The following CNGB1 variants were observed in gnomAD, a reference collection of about 807,000 sequenced individuals.
The protein encoded by CNGB1 is cyclic nucleotide gated channel subunit beta 1, also known as cyclic nucleotide-gated channel beta-1.
A neutral mutation model predicts 151.7 loss-of-function variants in CNGB1; 126 were observed. The ratio of observed to expected loss-of-function variants is 0.83; its 90% CI spans 0.72 to 0.96. CNGB1 has a LOEUF of 0.96. Ranked by LOEUF, CNGB1 falls within the 40% of genes least tolerant of loss-of-function variation. CNGB1 has a pLI of 0.00. For synonymous variants in CNGB1, 623 were observed against 635.1 expected (o/e 0.98, Z 0.29); for missense variants, 1,698 against 1,627.0 (o/e 1.04, Z -0.75).
At chr16:57,965,476 AAT>A (rs1176982630) in intron 2 of CNGB1, among the ~76,000 whole-genome samples, 3 of 152,212 alleles carry the variant, frequency 2.0e-5, no homozygotes, top group African/African-American at 7.2e-5. Context: ...CAGGTGCAGA[AAT>A]ATGAGTATAC....
At chr16:57,939,933 C>T (rs749837786) in intron 15 of CNGB1, among the ~76,000 whole-genome samples, 1 of 152,174 alleles carries the variant, frequency 6.6e-6, no homozygotes, top group Non-Finnish European at 1.5e-5. Flanking sequence ...CCAAGGGAGG[C>T]GTCTGTAGCC....
intron 14 of CNGB1, 44 bp downstream of exon 14, chr16:57,949,309 C>A: frequency 6.2e-7 from 1 of 1,602,852 alleles, no homozygotes. Context: ...CTCAGCCAAC[C>A]CCAGCCCCAG....
At chr16:57,932,883 G>A (rs539481120) in intron 16 of CNGB1, among the ~76,000 whole-genome samples, 2 of 151,048 alleles carry the variant, frequency 1.3e-5, no homozygotes, top group South Asian at 4.2e-4. Context: ...ACCCAGCCAA[G>A]TCCTCACATT....
chr16:57,970,231 A>G (rs1043571331), intron 1 of CNGB1, among the ~76,000 whole-genome samples: 2 of 152,162 alleles, frequency 1.3e-5, no homozygotes, highest in African/African-American at 4.8e-5. Flanking sequence ...ATGTTTTCCC[A>G]GGTCGGGACT....
At chr16:57,904,523 T>C (rs1960485434) in intron 26 of CNGB1, among the ~76,000 whole-genome samples, 1 of 152,260 alleles carries the variant, frequency 6.6e-6, no homozygotes, top group East Asian at 1.9e-4. Context: ...ACATTTCAAA[T>C]GATAATGACC....
At chr16:57,899,512 T>G (rs772543919) in intron 29 of CNGB1, among the ~76,000 whole-genome samples, 30 of 152,158 alleles carry the variant, frequency 2.0e-4, no homozygotes, top group Non-Finnish European at 7.3e-5. Context: ...TGGTGGCATA[T>G]GCCTGTAATC....
intron 4 of CNGB1, among the ~76,000 whole-genome samples, chr16:57,963,612 T>C (rs149047000): frequency 1.1e-3 from 173 of 152,278 alleles, no homozygotes; most frequent in East Asian, 8.7e-3. Context: ...TGGGCTGAAA[T>C]GTCTGAGCCA....
At chr16:57,885,018 C>G (rs1959875075) in intron 32 of CNGB1, among the ~76,000 whole-genome samples, 1 of 152,198 alleles carries the variant, frequency 6.6e-6, no homozygotes, top group African/African-American at 2.4e-5. Flanking sequence ...GCGCTGACCC[C>G]ATGTGTGGGG....
At position 57,915,288 on chromosome 16, in the gene CNGB1, G is replaced by A. The variant is rs377213253; in HGVS notation, c.2265C>T (p.Val755=). The change falls in exon 23 of 33, where the codon GTC becomes GTT. Residue 755 remains valine (V), a synonymous_variant. Transcript: ENST00000251102. ...LLPLDFLYLK[V]GVNPLLRLPR... The stretch of plus-strand genomic sequence containing the variant: ...GCAGGCGGAGGAGGGGGTTCACACC[G>A]ACTTTCAAATAGAGAAAATCCAAGG... 107 of 1,613,936 alleles carry A rather than the reference G, an allele frequency of 6.6e-5. No homozygotes were observed. Among genetic ancestry groups the A allele is most frequent in the Non-Finnish European group, 8.4e-5 (99 of 1,179,964 alleles).
intron 32 of CNGB1, 80 bp downstream of exon 32, chr16:57,887,775 G>A (rs1247950744): frequency 2.2e-6 from 3 of 1,334,296 alleles, no homozygotes; most frequent in Admixed American, 1.7e-5. Flanking sequence ...TAAATGTGTG[G>A]CCCACTCTTG....
intron 25 of CNGB1, among the ~76,000 whole-genome samples, chr16:57,911,455 A>G (rs540259206): frequency 1.5e-3 from 227 of 151,974 alleles, no homozygotes; most frequent in Middle Eastern, 3.4e-3. Context: ...CGCCCAGCTA[A>G]GTTTTGTATT....
chr16:57,921,671 A>G (rs1226466531), intron 18 of CNGB1, among the ~76,000 whole-genome samples: 1 of 152,124 alleles, frequency 6.6e-6, no homozygotes, highest in Non-Finnish European at 1.5e-5. Flanking sequence ...TTGGAATGTG[A>G]GCTCTCAGAC....
intron 14 of CNGB1, among the ~76,000 whole-genome samples, chr16:57,943,113 G>A (rs537587301): frequency 3.3e-5 from 5 of 152,124 alleles, no homozygotes; most frequent in East Asian, 3.9e-4. Flanking sequence ...CCTACAGAAC[G>A]GGAGAAAATA....
intron 4 of CNGB1, 56 bp from the exon 5 acceptor site, chr16:57,963,120 C>T: frequency 1.5e-6 from 2 of 1,305,564 alleles, no homozygotes; most frequent in Non-Finnish European, 2.2e-6. Context: ...CAATGAGGCC[C>T]TCGAGGCCCA....
At chr16:57,948,048 G>A (rs1961851713) in intron 14 of CNGB1, among the ~76,000 whole-genome samples, 1 of 152,212 alleles carries the variant, frequency 6.6e-6, no homozygotes, top group Non-Finnish European at 1.5e-5. Flanking sequence ...CAGGGAGAAA[G>A]GACGCGGGTC....
In CNGB1 at chr16:57,915,275, G is replaced by A. The variant is rs572146377; in HGVS notation, c.2278C>T (p.Leu760Phe). The A allele has an allele frequency of 2.0e-5, 32 of 1,614,022 alleles. 2 individuals are homozygous for A. In the South Asian group the frequency reaches 3.1e-4, roughly 16 times the overall value. Reference sequence around the variant, plus strand: ...TTTAAACAGCGGGGCAGGCGGAGGAGGGGGTTCACACCGACTTTCAAATAG... The same window carrying A: ...TTTAAACAGCGGGGCAGGCGGAGGAAGGGGTTCACACCGACTTTCAAATAG... ...FLYLKVGVNP[L>F]LRLPRCLKYM... Residue 760 changes from leucine (L) to phenylalanine (F), a missense_variant, in exon 23 of 33, where the codon CTC (leucine) becomes TTC (phenylalanine). Leu to Phe is a conservative substitution (Grantham distance 22). Coordinates refer to ENST00000251102, the MANE Select transcript of CNGB1 (RefSeq NM_001297.5).
chr16:57,925,313 C>G (rs1961154760), intron 17 of CNGB1, among the ~76,000 whole-genome samples: 1 of 151,978 alleles, frequency 6.6e-6, no homozygotes, highest in Admixed American at 6.6e-5. Context: ...TCTCTCTTTT[C>G]TTTATAAATT....
chr16:57,906,006 T>C (rs1960539914), intron 25 of CNGB1, among the ~76,000 whole-genome samples: 1 of 152,244 alleles, frequency 6.6e-6, no homozygotes. Flanking sequence ...CTGACACCTG[T>C]CCACACCTCA....
chr16:57,919,017 C>T, intron 20 of CNGB1, 82 bp downstream of exon 20: 1 of 1,601,900 alleles, frequency 6.2e-7, no homozygotes, highest in Non-Finnish European at 8.5e-7. Context: ...CCTCTTGAAT[C>T]CCCTGACCCT....
Sources: gnomAD v4.1 joint callset for allele counts (sites outside exome capture counted in the v4.1 genomes callset) on GRCh38, gnomAD v4.1.1 for gene constraint, MANE v1.5 for transcripts, NCBI Gene and HGNC (gene_info 2026-07-23, HGNC 2026-07-21) for gene names.